Variants in PARVA observed in about 807,000 individuals in gnomAD.
PARVA encodes parvin alpha.
In PARVA, 25 loss-of-function variants were observed where a neutral mutation model predicts 52.6. The observed-to-expected ratio is 0.48, with a 90% CI of 0.35 to 0.66. The LOEUF (loss-of-function observed/expected upper bound fraction) is 0.66, where lower values mean the gene tolerates loss of function less well. PARVA is among the 30% of genes least tolerant of loss of function. PARVA has a pLI of 0.01. For missense variants in PARVA, 373 were observed against 450.9 expected (o/e 0.83, Z 1.56); for synonymous variants, 185 against 179.1 (o/e 1.03, Z -0.26).
intron 1 of PARVA, among the ~76,000 whole-genome samples, chr11:12,472,459 T>C (rs932691075): frequency 3.4e-4 from 48 of 142,750 alleles, no homozygotes; most frequent in Non-Finnish European, 1.6e-4. Flanking sequence ...TGGTACCCTA[T>C]GTGAATGTCA....
chr11:12,470,499 G>T, intron 1 of PARVA, among the ~76,000 whole-genome samples: 1 of 152,196 alleles, frequency 6.6e-6, no homozygotes, highest in East Asian at 1.9e-4. Flanking sequence ...GCTGGTGAGT[G>T]GTAGAGTCTG....
At chr11:12,441,626 A>G (rs759511803) in intron 1 of PARVA, among the ~76,000 whole-genome samples, 6 of 152,178 alleles carry the variant, frequency 3.9e-5, no homozygotes, top group African/African-American at 7.2e-5. Flanking sequence ...GTATGGTTTG[A>G]GAATGAAAAA....
chr11:12,479,938 T>C (rs1941064507), intron 4 of PARVA: 1 of 152,152 alleles, frequency 6.6e-6, no homozygotes, highest in African/African-American at 2.4e-5. Context: ...TCAATGTATA[T>C]TGAGGCTGGG....
chr11:12,481,766 G>A (rs989805252), intron 4 of PARVA, among the ~76,000 whole-genome samples: 23 of 152,168 alleles, frequency 1.5e-4, no homozygotes, highest in African/African-American at 5.1e-4. Flanking sequence ...GAGCTGGAGG[G>A]GTCTGAGTTT....
chr11:12,424,682 T>A (rs1341697843), intron 1 of PARVA, among the ~76,000 whole-genome samples: 1 of 152,120 alleles, frequency 6.6e-6, no homozygotes, highest in Non-Finnish European at 1.5e-5. Context: ...AATTTCCACA[T>A]AAAGAATAAC....
At chr11:12,489,460 GA>G (rs1345890950) in intron 4 of PARVA, among the ~76,000 whole-genome samples, 1 of 152,074 alleles carries the variant, frequency 6.6e-6, no homozygotes, top group Non-Finnish European at 1.5e-5. Context: ...CAACAGAATA[GA>G]AAACGAGAAA....
chr11:12,473,697 C>T (rs1469778218), intron 1 of PARVA, 48 bp from the exon 2 acceptor site: 1 of 1,417,084 alleles, frequency 7.1e-7, no homozygotes, highest in Admixed American at 2.0e-5. Context: ...CTCCAACCCC[C>T]TGCCGTCCGT....
intron 1 of PARVA, among the ~76,000 whole-genome samples, chr11:12,386,030 A>G (rs1939568147): frequency 6.6e-6 from 1 of 152,112 alleles, no homozygotes; most frequent in Non-Finnish European, 1.5e-5. Context: ...TTGTTCGTTC[A>G]TTTTCAAAAT....
At chr11:12,500,800 A>G (rs544317916) in intron 5 of PARVA, among the ~76,000 whole-genome samples, 1 of 147,426 alleles carries the variant, frequency 6.8e-6, no homozygotes, top group East Asian at 2.0e-4. Context: ...CAGAAAAAAG[A>G]AAAAAAGGGG....
intron 1 of PARVA, among the ~76,000 whole-genome samples, chr11:12,408,284 G>A (rs992635430): frequency 3.3e-5 from 5 of 152,140 alleles, no homozygotes; most frequent in Admixed American, 3.3e-4. Flanking sequence ...TCATGTTTGG[G>A]GTTGGTTTTC....
At chr11:12,485,108 C>G (rs1226835181) in intron 4 of PARVA, among the ~76,000 whole-genome samples, 1 of 152,158 alleles carries the variant, frequency 6.6e-6, no homozygotes, top group East Asian at 1.9e-4. Flanking sequence ...GCCACCTCAC[C>G]CAGCCAGAGG....
intron 4 of PARVA, among the ~76,000 whole-genome samples, chr11:12,484,317 T>A (rs1373350713): frequency 6.6e-6 from 1 of 152,180 alleles, no homozygotes; most frequent in Admixed American, 6.5e-5. Flanking sequence ...CTGATCCTTA[T>A]GTTTGAACAT....
At chr11:12,417,933 C>T (rs1015889699) in intron 1 of PARVA, among the ~76,000 whole-genome samples, 1 of 152,184 alleles carries the variant, frequency 6.6e-6, no homozygotes, top group Non-Finnish European at 1.5e-5. Flanking sequence ...ACCCTTTCCT[C>T]CAGATTAGAG....
chr11:12,525,792 G>A (rs1459998629), intron 12 of PARVA, among the ~76,000 whole-genome samples: 1 of 152,288 alleles, frequency 6.6e-6, no homozygotes, highest in East Asian at 1.9e-4. Flanking sequence ...GCCACTCCAG[G>A]CCTCTCCATG....
chr11:12,494,215 C>T (rs1446079661), intron 4 of PARVA, among the ~76,000 whole-genome samples: 1 of 152,220 alleles, frequency 6.6e-6, no homozygotes, highest in African/African-American at 2.4e-5. Context: ...AACCAGGAAG[C>T]TCTCTGAACA....
intron 1 of PARVA, among the ~76,000 whole-genome samples, chr11:12,392,727 G>T (rs1939677643): frequency 6.6e-6 from 1 of 152,182 alleles, no homozygotes; most frequent in Admixed American, 6.5e-5. Context: ...TTTGTCTTAG[G>T]TATATACCTA....
intron 1 of PARVA, among the ~76,000 whole-genome samples, chr11:12,471,959 A>G (rs775580979): frequency 1.1e-4 from 17 of 152,232 alleles, no homozygotes; most frequent in Admixed American, 3.3e-4. Context: ...AATGCTTGTT[A>G]ACAAAGTAAT....
chr11:12,414,663 G>A (rs1038704718), intron 1 of PARVA, among the ~76,000 whole-genome samples: 3 of 146,148 alleles, frequency 2.1e-5, no homozygotes, highest in African/African-American at 7.6e-5. Context: ...CTCTAAGTTT[G>A]TGCTTGGAAA....
At position 12,517,698 on chromosome 11, in the gene PARVA, G is replaced by A. The variant is rs569998129; in HGVS notation, c.956G>A (p.Ser319Asn). The change falls in exon 11 of 13, where the codon AGC becomes AAC. Residue 319 changes from serine to asparagine, a missense_variant. Coordinates refer to ENST00000334956, the MANE Select transcript of PARVA (RefSeq NM_018222.5). Reference sequence around the variant, plus strand: ...CACAGCTTCTTCCTGACCCCGGACAGCTTTGAACAGAAGGTAAGGAGAAGG... The same window carrying A: ...CACAGCTTCTTCCTGACCCCGGACAACTTTGAACAGAAGGTAAGGAGAAGG... ...PLHSFFLTPDSFEQKVLNVSF... is the reference protein window; with the variant it reads ...PLHSFFLTPDNFEQKVLNVSF... 3 of 1,598,512 alleles carry A rather than the reference G, an allele frequency of 1.9e-6. No individual in the cohort carries two copies. The highest frequency in any genetic ancestry group is 1.7e-5 in the Admixed American group (1 of 58,070).
Sources: gnomAD v4.1 joint callset for allele counts (sites outside exome capture counted in the v4.1 genomes callset) on GRCh38, gnomAD v4.1.1 for gene constraint, MANE v1.5 for transcripts, NCBI Gene and HGNC (gene_info 2026-07-23, HGNC 2026-07-21) for gene names.